The following LRP1B variants were observed in gnomAD, a reference collection of about 807,000 sequenced individuals.
LRP1B encodes the protein low-density lipoprotein receptor-related protein 1B.
Under a neutral mutation model 556.6 loss-of-function variants are expected in LRP1B, and 217 were observed. The ratio of observed to expected loss-of-function variants is 0.39; its 90% CI spans 0.35 to 0.44. LRP1B has a LOEUF of 0.44. LRP1B is among the 20% of genes least tolerant of loss of function. The pLI is 1.00. For synonymous variants in LRP1B, 2,047 were observed against 1,865.8 expected, an observed-to-expected ratio of 1.10 and a Z score of -2.50; for missense variants, 5,053 against 5,620.8, an observed-to-expected ratio of 0.90 and a Z score of 3.23.
At chr2:141,888,896 G>C (rs962111431) in intron 1 of LRP1B, among the ~76,000 whole-genome samples, 1 of 152,020 alleles carries the variant, frequency 6.6e-6, no homozygotes, top group African/African-American at 2.4e-5. Context: ...AGCTATTGAC[G>C]GCCAACCAGC....
At chr2:140,659,097 T>G (rs904044711) in intron 41 of LRP1B, among the ~76,000 whole-genome samples, 1 of 105,776 alleles carries the variant, frequency 9.5e-6, no homozygotes, top group African/African-American at 3.4e-5. Flanking sequence ...ACTGTAAATC[T>G]GTTTTTTTTT....
chr2:142,045,327 C>T (rs192820779), intron 1 of LRP1B, among the ~76,000 whole-genome samples: 160 of 151,936 alleles, frequency 1.1e-3, no homozygotes, highest in African/African-American at 3.7e-3. Flanking sequence ...GCAATTTCCT[C>T]ATTTAAAAAA....
intron 2 of LRP1B, among the ~76,000 whole-genome samples, chr2:141,732,481 C>A (rs1054111500): frequency 1.3e-5 from 2 of 152,088 alleles, no homozygotes; most frequent in African/African-American, 4.8e-5. Flanking sequence ...TCTGGTTTCA[C>A]CAACCCTTCG....
intron 1 of LRP1B, among the ~76,000 whole-genome samples, chr2:141,981,028 A>G (rs1390753472): frequency 6.6e-6 from 1 of 152,148 alleles, no homozygotes; most frequent in African/African-American, 2.4e-5. Context: ...ATAAAATAAA[A>G]GTTGGAAATA....
chr2:141,445,070 G>A (rs190707220), intron 3 of LRP1B, among the ~76,000 whole-genome samples: 133 of 152,274 alleles, frequency 8.7e-4, no homozygotes, highest in Non-Finnish European at 8.8e-5. Context: ...ACTTGTTTTG[G>A]TTGGTAGGCT....
At chr2:140,963,739 G>A (rs115596362) in intron 18 of LRP1B, among the ~76,000 whole-genome samples, 1 of 151,916 alleles carries the variant, frequency 6.6e-6, no homozygotes, top group East Asian at 1.9e-4. Flanking sequence ...GGCAGATCCC[G>A]TAAGGTCAGG....
chr2:141,236,804 A>G (rs1399274825), intron 5 of LRP1B, among the ~76,000 whole-genome samples: 3 of 152,160 alleles, frequency 2.0e-5, no homozygotes, highest in Non-Finnish European at 4.4e-5. Flanking sequence ...AAGAATGGCC[A>G]TATGTGGCAA....
chr2:140,475,027 C>G, intron 60 of LRP1B, 111 bp downstream of exon 60: 1 of 420,550 alleles, frequency 2.4e-6, no homozygotes, highest in Non-Finnish European at 3.8e-6. Context: ...AATAATGTAA[C>G]CTTAAATTAA....
chr2:141,005,761 C>A (rs1030448959), intron 14 of LRP1B, among the ~76,000 whole-genome samples: 1 of 151,882 alleles, frequency 6.6e-6, no homozygotes, highest in African/African-American at 2.4e-5. Flanking sequence ...CAGATTAGGC[C>A]TATTGTATTC....
rs190328009 is a variant in LRP1B, at chr2:141,618,926, A to G, written c.206-138393T>C. The stretch of plus-strand genomic sequence containing the variant: ...TAAGATAAAGAGGAAAATACATTAT[A>G]TATTGGTAGCAAGACAGAAACAAAC... On this transcript the variant is annotated intron_variant, in intron 2 of 90. Coordinates refer to ENST00000389484, the MANE Select transcript of LRP1B (RefSeq NM_018557.3). 3.5e-3 allele frequency among the ~76,000 whole-genome samples: 533 copies of G among 152,326 alleles called. 1 individual carries two copies. The highest frequency in any genetic ancestry group is 6.3e-3 in the Non-Finnish European group (429 of 68,028).
intron 31 of LRP1B, among the ~76,000 whole-genome samples, chr2:140,838,766 G>C (rs1692003375): frequency 6.6e-6 from 1 of 151,932 alleles, no homozygotes; most frequent in Non-Finnish European, 1.5e-5. Flanking sequence ...ATTTTTAAAA[G>C]GTATTCTGAA....
At chr2:141,709,177 C>T (rs1692261566) in intron 2 of LRP1B, among the ~76,000 whole-genome samples, 1 of 151,668 alleles carries the variant, frequency 6.6e-6, no homozygotes, top group African/African-American at 2.4e-5. Context: ...GGTGAAACCC[C>T]GTCTCTACAA....
chr2:141,916,541 CT>C (rs58336400), intron 1 of LRP1B, among the ~76,000 whole-genome samples: 96 of 124,706 alleles, frequency 7.7e-4, no homozygotes, highest in African/African-American at 2.4e-3. Context: ...ATTTTTTGAA[CT>C]TTTTTTTTTT....
intron 3 of LRP1B, among the ~76,000 whole-genome samples, chr2:141,478,276 T>C (rs149358514): frequency 0.01 from 1,593 of 152,302 alleles, 28 homozygotes; most frequent in African/African-American, 0.035. Context: ...CAGAAGTATG[T>C]TTATGATATT....
At chr2:140,898,358 G>A (rs1694009572) in intron 23 of LRP1B, 1 of 157,470 alleles carries the variant, frequency 6.4e-6, no homozygotes, top group East Asian at 1.9e-4. Context: ...TGTGGGTCCT[G>A]GGGCTTCCCC....
chr2:141,146,994 C>T (rs1300093436), intron 7 of LRP1B, among the ~76,000 whole-genome samples: 1 of 152,162 alleles, frequency 6.6e-6, no homozygotes, highest in Non-Finnish European at 1.5e-5. Context: ...CCTGAGCATC[C>T]TCCTACTAGC....
At chr2:141,715,839 A>G (rs997316832) in intron 2 of LRP1B, among the ~76,000 whole-genome samples, 3 of 152,140 alleles carry the variant, frequency 2.0e-5, no homozygotes, top group African/African-American at 7.2e-5. Context: ...CAAACAAACA[A>G]AAATAGCCTA....
intron 3 of LRP1B, among the ~76,000 whole-genome samples, chr2:141,276,396 G>C (rs1210300608): frequency 1.3e-5 from 2 of 151,828 alleles, no homozygotes; most frequent in Non-Finnish European, 2.9e-5. Flanking sequence ...TTGTCACTGA[G>C]GTAATAAGCA....
intron 7 of LRP1B, among the ~76,000 whole-genome samples, chr2:141,074,589 C>CTCTCTATATATATA (rs10643830): frequency 2.9e-5 from 4 of 136,476 alleles, no homozygotes; most frequent in African/African-American, 8.1e-5. Flanking sequence ...CTCTCTCTCT[C>CTCTCTATATATATA]TATATATATA....
Sources: allele counts gnomAD v4.1 joint callset (sites outside exome capture counted in the v4.1 genomes callset), GRCh38; gene constraint gnomAD v4.1.1; transcripts MANE v1.5; gene names NCBI Gene and HGNC (gene_info 2026-07-23, HGNC 2026-07-21).